Variants in LGR5 observed in about 807,000 individuals in gnomAD.
LGR5 encodes the protein leucine rich repeat containing G protein-coupled receptor 5, also known as leucine-rich repeat-containing G protein-coupled receptor 5.
A neutral mutation model predicts 76.7 loss-of-function variants in LGR5; 54 were observed. The observed-to-expected ratio is 0.70, with a 90% CI of 0.57 to 0.88. The LOEUF is 0.88. Among genes scored for constraint, LGR5 ranks in the 40% least tolerant of loss-of-function variants. The pLI is 0.00. For missense variants in LGR5, 1,078 were observed against 1,073.3 expected (o/e 1.00, Z -0.06); for synonymous variants, 406 against 421.9 (o/e 0.96, Z 0.46).
Position 71,455,195 on chromosome 12 carries a change from C to A in LGR5, c.212+14903C>A, listed in dbSNP as rs558236578. On this transcript the variant is annotated intron_variant, in intron 1 of 17. Coordinates refer to ENST00000266674, the MANE Select transcript of LGR5 (RefSeq NM_003667.4). The stretch of plus-strand genomic sequence containing the variant: ...CCCCAAGGCAAATTCAATATGCGAC[C>A]GAGTTTGAGAACCACTGATCTGGGC... 3.3e-5 allele frequency among the ~76,000 whole-genome samples: 5 copies of A among 152,118 alleles called. No individual in the cohort carries two copies. The South Asian group carries it at 8.3e-4, about 25-fold the overall frequency.
chr12:71,573,179 C>T (rs185918242), intron 13 of LGR5, among the ~76,000 whole-genome samples: 11 of 152,276 alleles, frequency 7.2e-5, no homozygotes, highest in African/African-American at 2.4e-4. Context: ...GTTGACTAGC[C>T]TACTGTGTTT....
At chr12:71,497,381 G>A (rs1445190833) in intron 1 of LGR5, among the ~76,000 whole-genome samples, 3 of 151,384 alleles carry the variant, frequency 2.0e-5, no homozygotes, top group Non-Finnish European at 4.4e-5. Context: ...AGGAAAGAAG[G>A]AAGGAAGGGA....
In LGR5 at chr12:71,578,984, A is replaced by C. The variant is rs1391182467; in HGVS notation, c.1406+55A>C. 3.3e-6 allele frequency: 5 copies of C among 1,515,108 alleles called. No individual in the cohort carries two copies. The African/African-American group carries it at 4.2e-5, about 13-fold the overall frequency. The allele number at this position is 1,515,108 out of a possible 1,614,324, so 93.9% of individuals were successfully genotyped here. A position where few individuals can be genotyped will look rare whatever the true frequency, so the allele number is the denominator to read the frequency against. On this transcript the variant is annotated intron_variant, in intron 15 of 17. Coordinates refer to ENST00000266674, the MANE Select transcript of LGR5 (RefSeq NM_003667.4). The stretch of plus-strand genomic sequence containing the variant: ...CATTTGTGGTCATGTGAAATAATAG[A>C]TGTATTATAGTGGTGTTCTAAATTT...
intron 14 of LGR5, 144 bp downstream of exon 14, chr12:71,578,140 C>T: frequency 1.6e-6 from 1 of 607,186 alleles, no homozygotes; most frequent in South Asian, 2.4e-5. Context: ...CTTGTCAGAG[C>T]CAGGGAGGAG....
intron 2 of LGR5, among the ~76,000 whole-genome samples, chr12:71,507,733 T>G (rs1328104728): frequency 6.7e-6 from 1 of 150,092 alleles, no homozygotes; most frequent in Non-Finnish European, 1.5e-5. Flanking sequence ...AACTCTCTCT[T>G]TCTCTCTCTC....
At chr12:71,571,653 C>A in intron 12 of LGR5, 74 bp downstream of exon 12, 2 of 1,095,720 alleles carry the variant, frequency 1.8e-6, no homozygotes, top group South Asian at 1.3e-5. Flanking sequence ...GTCACTGGTT[C>A]ATTTACCCTG....
chr12:71,522,502 T>G (rs374895527), intron 2 of LGR5, among the ~76,000 whole-genome samples: 1 of 152,242 alleles, frequency 6.6e-6, no homozygotes, highest in East Asian at 1.9e-4. Context: ...TTTCTGACCA[T>G]GTATAGGAAG....
chr12:71,562,997 A>G (rs944150086), intron 8 of LGR5, among the ~76,000 whole-genome samples: 4 of 152,228 alleles, frequency 2.6e-5, no homozygotes, highest in Admixed American at 2.6e-4. Context: ...ATTAGCCCTC[A>G]TTAGAGCGTA....
chr12:71,478,667 T>G (rs941177665), intron 1 of LGR5, among the ~76,000 whole-genome samples: 10 of 152,354 alleles, frequency 6.6e-5, no homozygotes, highest in Admixed American at 4.6e-4. Context: ...ATTTTTCCAA[T>G]GCACATCAGT....
intron 6 of LGR5, 132 bp downstream of exon 6, chr12:71,556,822 G>A: frequency 1.4e-6 from 1 of 702,898 alleles, no homozygotes; most frequent in Admixed American, 2.2e-5. Context: ...ATTTACAGTG[G>A]CATTATCTTA....
At chr12:71,511,685 C>T (rs964295691) in intron 2 of LGR5, among the ~76,000 whole-genome samples, 2 of 152,076 alleles carry the variant, frequency 1.3e-5, no homozygotes, top group African/African-American at 4.8e-5. Context: ...TAAGTGACAC[C>T]TCCACCAACT....
At chr12:71,523,923 A>C (rs1875848958) in intron 2 of LGR5, among the ~76,000 whole-genome samples, 1 of 152,164 alleles carries the variant, frequency 6.6e-6, no homozygotes, top group Admixed American at 6.6e-5. Flanking sequence ...TTTAGAAAAA[A>C]TTGATTGTGA....
intron 2 of LGR5, among the ~76,000 whole-genome samples, chr12:71,520,477 T>C (rs936334456): frequency 6.6e-6 from 1 of 152,134 alleles, no homozygotes; most frequent in Non-Finnish European, 1.5e-5. Flanking sequence ...TAGATAGTGG[T>C]GATGGTTAGA....
chr12:71,493,081 A>G (rs1160231814), intron 1 of LGR5, among the ~76,000 whole-genome samples: 1 of 151,380 alleles, frequency 6.6e-6, no homozygotes, highest in Non-Finnish European at 1.5e-5. Context: ...TAAGACCAGA[A>G]TGTTTAACAA....
chr12:71,444,046 G>A (rs946685376), intron 1 of LGR5, among the ~76,000 whole-genome samples: 2 of 151,888 alleles, frequency 1.3e-5, no homozygotes, highest in East Asian at 1.9e-4. Flanking sequence ...GTTAAATCAG[G>A]CACCGCCTTA....
intron 1 of LGR5, among the ~76,000 whole-genome samples, chr12:71,464,431 A>G (rs766818278): frequency 2.0e-5 from 3 of 152,226 alleles, no homozygotes; most frequent in Non-Finnish European, 2.9e-5. Context: ...GGTTAGGGGT[A>G]TCTGACATAT....
At chr12:71,560,544 T>A (rs1429666992) in intron 7 of LGR5, among the ~76,000 whole-genome samples, 1 of 152,092 alleles carries the variant, frequency 6.6e-6, no homozygotes, top group Non-Finnish European at 1.5e-5. Context: ...GTAATCCCCG[T>A]GCTTTGGGAG....
rs768780796 is a variant in LGR5, at chr12:71,553,245, A to T, written c.601A>T (p.Ile201Leu). The T allele has an allele frequency of 3.1e-6, 5 of 1,613,824 alleles. No individual in the cohort carries two copies. The Admixed American group carries it at 5.0e-5, about 16-fold the overall frequency. Residue 201 changes from isoleucine (I) to leucine (L), a missense_variant, in exon 5 of 18, where the codon ATA (isoleucine) becomes TTA (leucine). By Grantham distance (5) the Ile-to-Leu change is conservative (BLOSUM62 2). Coordinates refer to ENST00000266674, the MANE Select transcript of LGR5 (RefSeq NM_003667.4). ...MTLALNKIHH[I>L]PDYAFGNLSS... is the part of the protein sequence containing the mutation. ...CTTGGCCCTGAACAAAATACACCAC[A>T]TACCAGACTATGCCTTTGGAAACCT...
intron 1 of LGR5, among the ~76,000 whole-genome samples, chr12:71,458,763 A>G (rs1168928075): frequency 6.6e-6 from 1 of 152,154 alleles, no homozygotes; most frequent in Middle Eastern, 3.2e-3. Context: ...CTTGTGCTAG[A>G]TGCTGAGGGT....
Sources: allele counts gnomAD v4.1 joint callset (sites outside exome capture counted in the v4.1 genomes callset), GRCh38; gene constraint gnomAD v4.1.1; transcripts MANE v1.5; gene names NCBI Gene and HGNC (gene_info 2026-07-23, HGNC 2026-07-21).